ZZEF1: variants seen among roughly 807,000 people sequenced by gnomAD.
The protein encoded by ZZEF1 is zinc finger ZZ-type and EF-hand domain containing 1.
Under a neutral mutation model 342.8 loss-of-function variants are expected in ZZEF1, and 157 were observed. The observed-to-expected ratio is 0.46, with a 90% confidence interval of 0.40 to 0.52. ZZEF1 has a LOEUF of 0.52. Ranked by LOEUF, ZZEF1 falls within the 20% of genes least tolerant of loss-of-function variation. The pLI is 0.00. For missense variants in ZZEF1, 3,480 were observed against 3,725.6 expected, an observed-to-expected ratio of 0.93 and a Z score of 1.72; for synonymous variants, 1,505 against 1,429.1, an observed-to-expected ratio of 1.05 and a Z score of -1.20.
chr17:4,111,194 A>G (rs776328133), intron 5 of ZZEF1, among the ~76,000 whole-genome samples: 2 of 151,442 alleles, frequency 1.3e-5, no homozygotes, highest in African/African-American at 2.4e-5. Context: ...ATGTGTGCAT[A>G]TATGTGTGTG....
intron 18 of ZZEF1, among the ~76,000 whole-genome samples, chr17:4,080,956 G>T (rs956524432): frequency 6.6e-6 from 1 of 152,188 alleles, no homozygotes; most frequent in Non-Finnish European, 1.5e-5. Context: ...GTACATTCAT[G>T]CCAGGCAGAG....
chr17:4,067,527 A>G (rs2057424257), intron 26 of ZZEF1, among the ~76,000 whole-genome samples: 1 of 152,216 alleles, frequency 6.6e-6, no homozygotes, highest in African/African-American at 2.4e-5. Flanking sequence ...AAATACTAAA[A>G]GTAAAAATTT....
At chr17:4,019,853 A>T (rs574763463) in intron 45 of ZZEF1, 84 bp from the exon 46 acceptor site, 2 of 1,003,526 alleles carry the variant, frequency 2.0e-6, no homozygotes, top group African/African-American at 1.7e-5. Flanking sequence ...AACTGAGAAG[A>T]CAATATAGCA....
At chr17:4,038,031 T>C (rs2056713547) in intron 39 of ZZEF1, among the ~76,000 whole-genome samples, 1 of 152,238 alleles carries the variant, frequency 6.6e-6, no homozygotes, top group African/African-American at 2.4e-5. Flanking sequence ...CAGGAGAATC[T>C]CCTTGTTTGT....
intron 40 of ZZEF1, 181 bp from the exon 41 acceptor site, chr17:4,033,183 T>C (rs564852058): frequency 1.7e-5 from 10 of 592,252 alleles, no homozygotes; most frequent in Non-Finnish European, 2.0e-5. Flanking sequence ...AAATCAAGAC[T>C]TGTTACTTAC....
intron 2 of ZZEF1, among the ~76,000 whole-genome samples, chr17:4,123,272 T>TAG (rs2058515800): frequency 1.8e-5 from 1 of 55,250 alleles, no homozygotes. Flanking sequence ...CATAACCATA[T>TAG]ATATATATAT....
intron 45 of ZZEF1, chr17:4,020,056 C>G (rs955387421): frequency 1.0e-5 from 3 of 293,112 alleles, no homozygotes; most frequent in Admixed American, 1.1e-4. Flanking sequence ...CTTACCACAT[C>G]GTATTCACGG....
Position 4,067,166 on chromosome 17 carries a change from C to A in ZZEF1, c.4152G>T (p.Trp1384Cys). 1 of 1,612,370 alleles carries A rather than the reference C, an allele frequency of 6.2e-7. No individual in the cohort carries two copies. ...TCACATGCAAAGAAAATCTTACCAT[C>A]CATATTCGAATCCCATCTGCCAAGG... is the stretch of plus-strand genomic sequence containing the variant. The part of the protein sequence containing the change: ...VYSLADGIRI[W>C]MLEMKQKSLM... Residue 1384 changes from tryptophan to cysteine, a missense_variant, in exon 27 of 55, where the codon TGG becomes TGT. Trp to Cys is a radical substitution (Grantham distance 215, BLOSUM62 -2). Transcript: ENST00000381638.
chr17:4,019,333 T>C (rs1353558549), intron 46 of ZZEF1, among the ~76,000 whole-genome samples: 1 of 152,326 alleles, frequency 6.6e-6, no homozygotes, highest in East Asian at 1.9e-4. Context: ...TAAAAATATC[T>C]TGAGCAGAAG....
intron 42 of ZZEF1, among the ~76,000 whole-genome samples, chr17:4,026,014 G>A (rs2056395468): frequency 6.6e-6 from 1 of 152,320 alleles, no homozygotes; most frequent in Non-Finnish European, 1.5e-5. Context: ...AGAATGTACA[G>A]GGCAGAATAT....
intron 39 of ZZEF1, 82 bp from the exon 40 acceptor site, chr17:4,034,374 T>C: frequency 1.4e-6 from 2 of 1,448,172 alleles, no homozygotes; most frequent in Non-Finnish European, 1.9e-6. Flanking sequence ...CCTCCTACCT[T>C]ATTTACAGCT....
intron 7 of ZZEF1, among the ~76,000 whole-genome samples, chr17:4,105,112 CAG>C (rs1291012381): frequency 1.3e-5 from 2 of 152,258 alleles, no homozygotes; most frequent in African/African-American, 4.8e-5. Context: ...CTGGCTTGAC[CAG>C]AGAGTTGAGG....
chr17:4,136,343 C>CAA (rs10567843), intron 1 of ZZEF1, among the ~76,000 whole-genome samples: 1 of 130,488 alleles, frequency 7.7e-6, no homozygotes, highest in Non-Finnish European at 1.6e-5. Flanking sequence ...GACTCCGTCT[C>CAA]AAAAAAAAAA....
intron 13 of ZZEF1, among the ~76,000 whole-genome samples, chr17:4,088,379 C>G (rs1021059365): frequency 6.6e-6 from 1 of 152,176 alleles, no homozygotes; most frequent in African/African-American, 2.4e-5. Context: ...GAACTCTGTT[C>G]TGTTTGTTTC....
intron 46 of ZZEF1, among the ~76,000 whole-genome samples, chr17:4,019,370 G>T (rs1381552232): frequency 3.3e-5 from 5 of 152,160 alleles, no homozygotes; most frequent in Non-Finnish European, 4.4e-5. Flanking sequence ...TCTGCTCCCT[G>T]GGATTACACA....
At chr17:4,057,463 A>G (rs980341477) in intron 32 of ZZEF1, among the ~76,000 whole-genome samples, 8 of 152,084 alleles carry the variant, frequency 5.3e-5, no homozygotes, top group Admixed American at 5.2e-4. Flanking sequence ...ACGAATAGGG[A>G]AGTGGATTTG....
At position 4,042,451 on chromosome 17, in the gene ZZEF1, G is replaced by C; in HGVS notation, c.6284C>G (p.Ala2095Gly). The change falls in exon 39 of 55, where the codon GCC (alanine) becomes GGC (glycine). Residue 2095 changes from alanine (A) to glycine (G), a missense_variant. Around this residue, in one of 5 missense-constraint regions of ZZEF1, gnomAD observed 1,269 missense variants for 1,342.4 expected, o/e 0.95. Coordinates refer to ENST00000381638, the MANE Select transcript of ZZEF1 (RefSeq NM_015113.4). ...SQKRILGLLA[A>G]MLPPLKSGPT... ...TACCGACTTTAAGGGAGGTAACATG[G>C]CTGCTAGTAATCCCAAAATCCTCTT... 6.2e-7 allele frequency: 1 copy of C among 1,613,306 alleles called. No homozygotes were observed. The highest frequency in any genetic ancestry group is 8.5e-7 in the Non-Finnish European group (1 of 1,179,804).
intron 1 of ZZEF1, among the ~76,000 whole-genome samples, chr17:4,131,634 G>T (rs189817792): frequency 2.0e-5 from 3 of 152,092 alleles, no homozygotes; most frequent in Admixed American, 6.6e-5. Flanking sequence ...ACAAAAATTT[G>T]CCAGGCGTGG....
At chr17:4,036,811 ACACACACTCTCTCTCTCT>A (rs1338279504) in intron 39 of ZZEF1, among the ~76,000 whole-genome samples, 21 of 93,966 alleles carry the variant, frequency 2.2e-4, no homozygotes, top group Admixed American at 1.1e-3. Context: ...ACACACACAC[ACACACACTCTCTCTCTCT>A]CTCTCTCTCT....
Sources: gnomAD v4.1 joint callset for allele counts (sites outside exome capture counted in the v4.1 genomes callset) on GRCh38, gnomAD v4.1.1 for gene constraint, gnomAD v4.1.1 regional missense constraint, MANE v1.5 for transcripts, NCBI Gene and HGNC (gene_info 2026-07-23, HGNC 2026-07-21) for gene names.